The following SETD4 variants were observed in gnomAD, a reference collection of about 807,000 sequenced individuals.
SETD4 encodes SET domain containing 4.
Under a neutral mutation model 58.3 loss-of-function variants are expected in SETD4, and 46 were observed. The observed-to-expected ratio is 0.79, with a 90% CI of 0.62 to 1.01. The LOEUF is 1.01. Among genes scored for constraint, SETD4 ranks in the 50% least tolerant of loss-of-function variants. SETD4 has a pLI of 0.00. For synonymous variants in SETD4, 190 were observed against 202.6 expected (o/e 0.94, Z 0.53); for missense variants, 490 against 523.3 (o/e 0.94, Z 0.62).
intron 3 of SETD4, among the ~76,000 whole-genome samples, chr21:36,055,742 G>A (rs139365331): frequency 3.8e-4 from 58 of 152,326 alleles, no homozygotes; most frequent in African/African-American, 1.3e-3. Context: ...ATCTGGGGCT[G>A]GGGCCAGGGC....
intron 10 of SETD4, among the ~76,000 whole-genome samples, chr21:36,037,279 A>C (rs1383480488): frequency 8.0e-6 from 1 of 124,786 alleles, no homozygotes; most frequent in African/African-American, 2.8e-5. Context: ...CATGTAGTCC[A>C]CTATAAATAT....
intron 4 of SETD4, among the ~76,000 whole-genome samples, chr21:36,052,525 T>A (rs1243701895): frequency 3.1e-5 from 4 of 131,146 alleles, no homozygotes; most frequent in African/African-American, 1.2e-4. Flanking sequence ...GCCACTGCAC[T>A]CCAGCCTGGG....
At position 36,035,477 on chromosome 21, in the gene SETD4, A is replaced by T. The variant is rs1473558225; in HGVS notation, c.*516T>A. 6.5e-6 allele frequency: 1 copy of T among 152,936 alleles called. No homozygotes were observed. The allele number at this position is 152,936 out of a possible 1,614,324, so 9.5% of individuals were successfully genotyped here. On this transcript the variant is annotated 3_prime_UTR_variant, in exon 12 of 12. Transcript: ENST00000332131. ...AGCGCCACCTTGAGAGGCCAGGAGC[A>T]TGCTTAGAGGACATTCCCTCCTCCT...
rs2064457670 is a variant in SETD4 at position 36,048,373 on chromosome 21, C to T, written c.231G>A (p.Leu77=). ...CCGTGGTGAGCAGGCAACTCTCAGG[C>T]AACGAAATAATCATCTGTCCCTCCT... ...SLQEGQMIIS[L]PESCLLTTDT... The change falls in exon 5 of 12, where the codon TTG becomes TTA. Residue 77 remains leucine, a synonymous_variant. Transcript: ENST00000332131. 1 of 1,614,048 alleles carries T rather than the reference C, an allele frequency of 6.2e-7. No individual in the cohort carries two copies. The highest frequency in any genetic ancestry group is 1.1e-5 in the South Asian group (1 of 91,078).
In SETD4 at chr21:36,048,409, A is replaced by C; in HGVS notation, c.208-13T>G. 4 of 1,613,388 alleles carry C rather than the reference A, an allele frequency of 2.5e-6. No individual in the cohort carries two copies. Among genetic ancestry groups the C allele is most frequent in the South Asian group, 1.1e-5 (1 of 91,068 alleles). On this transcript the variant is annotated splice_polypyrimidine_tract_variant and intron_variant, in intron 4 of 11. Coordinates refer to ENST00000332131, the MANE Select transcript of SETD4 (RefSeq NM_017438.5). ...TCATCTGTCCCTCCTGGCCAAAAGG[A>C]AAGTAAAGTTGAGGACGCCTATGCT...
intron 4 of SETD4, 91 bp from the exon 5 acceptor site, chr21:36,048,487 C>T (rs880221): frequency 0.38 from 418,955 of 1,102,780 alleles, 81,648 homozygotes; most frequent in Admixed American, 0.46. Flanking sequence ...CCCACAATCA[C>T]CTACCAGTAA....
rs1018187209 is a variant in SETD4, at chr21:36,043,972, G to T, written c.727-16C>A. On this transcript the variant is annotated splice_polypyrimidine_tract_variant and intron_variant, in intron 6 of 11. Coordinates refer to ENST00000332131, the MANE Select transcript of SETD4 (RefSeq NM_017438.5). Reference sequence around the variant, plus strand: ...CTGCTTTTACCTAGAAAGAAAAACTGTTAAGGTATTTTTTAAAGTAAGGTG... The same window carrying T: ...CTGCTTTTACCTAGAAAGAAAAACTTTTAAGGTATTTTTTAAAGTAAGGTG... 1 of 1,611,838 alleles carries T rather than the reference G, an allele frequency of 6.2e-7. No homozygotes were observed. The highest frequency in any genetic ancestry group is 8.5e-7 in the Non-Finnish European group (1 of 1,178,916).
intron 5 of SETD4, among the ~76,000 whole-genome samples, chr21:36,046,735 T>C (rs973214822): frequency 1.7e-4 from 26 of 152,360 alleles, no homozygotes; most frequent in African/African-American, 6.3e-4. Flanking sequence ...ACTTGCACAA[T>C]TGCCGATAAA....
rs968536040 is a variant in SETD4, at chr21:36,040,640, T to C, written c.999A>G (p.Gly333=). 1 of 1,613,714 alleles carries C rather than the reference T, an allele frequency of 6.2e-7. No individual in the cohort carries two copies. Among genetic ancestry groups the C allele is most frequent in the Admixed American group, 1.7e-5 (1 of 59,998 alleles). ...GTAGCCTCCAAGATGGTCCATCCCA[T>C]CCAAATGTCAAATTTCTGAAGTAGA... is the stretch of plus-strand genomic sequence containing the variant. ...DHGYIENLTF[G]WDGPSWRLLT... Residue 333 remains glycine, a synonymous_variant, in exon 9 of 12, where the codon GGA becomes GGG. Transcript: ENST00000332131.
intron 4 of SETD4, chr21:36,050,736 A>G (rs1439208497): frequency 6.2e-7 from 1 of 1,612,588 alleles, no homozygotes; most frequent in African/African-American, 1.3e-5. Context: ...GGCTCGAGAT[A>G]AGCACCATTT....
chr21:36,038,632 G>A (rs899778620), intron 9 of SETD4, among the ~76,000 whole-genome samples: 23 of 152,214 alleles, frequency 1.5e-4, no homozygotes, highest in African/African-American at 3.9e-4. Context: ...GTCCACAGCC[G>A]AAAGGCAGAG....
chr21:36,057,207 A>C lies in SETD4; in HGVS notation c.74-3T>G. 6.2e-7 allele frequency: 1 copy of C among 1,609,112 alleles called. No individual in the cohort carries two copies. The highest frequency in any genetic ancestry group is 8.5e-7 in the Non-Finnish European group (1 of 1,175,368). On this transcript the variant is annotated splice_region_variant and splice_polypyrimidine_tract_variant and intron_variant, in intron 2 of 11. Coordinates refer to ENST00000332131, the MANE Select transcript of SETD4 (RefSeq NM_017438.5). ...TTCAGACTTGTGGCTCTCATTCACT[A>C]TCAGGCAAGGAGAGAACAAATGGTG...
At chr21:36,046,617 A>G (rs1374795197) in intron 5 of SETD4, among the ~76,000 whole-genome samples, 1 of 152,264 alleles carries the variant, frequency 6.6e-6, no homozygotes, top group Non-Finnish European at 1.5e-5. Context: ...ATTGGAGGGC[A>G]CCAACCTAAA....
intron 4 of SETD4, chr21:36,050,282 T>C: frequency 6.3e-7 from 1 of 1,593,680 alleles, no homozygotes; most frequent in South Asian, 1.1e-5. Flanking sequence ...AAGACTATCC[T>C]CAAACAGAGA....
rs2064285322 is a variant in SETD4 at position 36,045,653 on chromosome 21, G to C, written c.655C>G (p.Leu219Val). 6.2e-7 allele frequency: 1 copy of C among 1,614,136 alleles called. No homozygotes were observed. Among genetic ancestry groups the C allele is most frequent in the Middle Eastern group, 1.6e-4 (1 of 6,062 alleles). ...GCACAGGTGTCCGGCTCTGCAGAAA[G>C]GCATTCCCGCTGCCTGGGCCTCAGG... ...VYLRPRQREC[L>V]SAEPDTCALA... The change falls in exon 6 of 12, where the codon CTT (leucine) becomes GTT (valine). Residue 219 changes from leucine to valine, a missense_variant. Coordinates refer to ENST00000332131, the MANE Select transcript of SETD4 (RefSeq NM_017438.5).
chr21:36,046,999 A>G (rs550339598), intron 5 of SETD4, among the ~76,000 whole-genome samples: 11 of 152,302 alleles, frequency 7.2e-5, no homozygotes, highest in African/African-American at 2.6e-4. Flanking sequence ...CCGTTTGCCT[A>G]TATCCCAGCA....
intron 4 of SETD4, chr21:36,050,765 T>C: frequency 6.2e-7 from 1 of 1,612,590 alleles, no homozygotes. Flanking sequence ...TAAGCCATCT[T>C]ATTTGCCATG....
chr21:36,045,945 C>G lies in SETD4; in HGVS notation c.363G>C (p.Gly121=). ...GGTAAGGCTTCCAAAGAGATCGGTG[C>G]CCAGCATGCTTTTCTGAAACTAAAA... ...CTFLVSEKHA[G]HRSLWKPYLE... is the part of the protein sequence containing the mutation. The change falls in exon 6 of 12, where the codon GGG becomes GGC. Residue 121 remains glycine (G), a synonymous_variant. Transcript: ENST00000332131. The G allele has an allele frequency of 6.2e-7, 1 of 1,614,186 alleles. No individual in the cohort carries two copies. Among genetic ancestry groups the G allele is most frequent in the Non-Finnish European group, 8.5e-7 (1 of 1,180,024 alleles).
chr21:36,052,063 C>T (rs56279140), intron 4 of SETD4, among the ~76,000 whole-genome samples: 56,367 of 148,220 alleles, frequency 0.38, 10,484 homozygotes, highest in Admixed American at 0.42. Context: ...AACATTAACA[C>T]GGCGTAATAG....
Sources: allele counts gnomAD v4.1 joint callset (sites outside exome capture counted in the v4.1 genomes callset), GRCh38; gene constraint gnomAD v4.1.1; transcripts MANE v1.5; gene names NCBI Gene and HGNC (gene_info 2026-07-23, HGNC 2026-07-21).